Variants in DKK3 observed in about 807,000 individuals in gnomAD.
The protein encoded by DKK3 is dickkopf Wnt signaling pathway inhibitor 3, also known as dickkopf-related protein 3.
DKK3 carries 22 observed loss-of-function variants against 33.2 expected under a neutral mutation model. The ratio of observed to expected loss-of-function variants is 0.66; its 90% CI spans 0.47 to 0.95. The LOEUF is 0.95. Ranked by LOEUF, DKK3 falls within the 40% of genes least tolerant of loss-of-function variation. DKK3 has a pLI of 0.00. For synonymous variants in DKK3, 194 were observed against 188.8 expected (o/e 1.03, Z -0.23); for missense variants, 398 against 458.4 (o/e 0.87, Z 1.20).
rs554952527 is a variant in DKK3, at chr11:11,966,356, G to C, written c.674-391C>G. 2.6e-5 allele frequency among the ~76,000 whole-genome samples: 4 copies of C among 152,262 alleles called. 1 individual carries two copies. The South Asian group carries it at 8.3e-4, about 32-fold the overall frequency. ...AAGAAGTAGTGGAGAGAAAAGGAGG[G>C]CAAGTAAGTTGGAGCTGCATGAGGC... On this transcript the variant is annotated intron_variant, in intron 5 of 6. Coordinates refer to ENST00000683431, the MANE Select transcript of DKK3 (RefSeq NM_001018057.2).
chr11:12,007,746 T>C (rs540140693), intron 1 of DKK3, among the ~76,000 whole-genome samples: 1 of 152,356 alleles, frequency 6.6e-6, no homozygotes, highest in South Asian at 2.1e-4. Flanking sequence ...GAGGAGGACC[T>C]GAGCCCAGGA....
chr11:11,966,330 CAAG>C (rs1262843544), intron 5 of DKK3, among the ~76,000 whole-genome samples: 1 of 152,086 alleles, frequency 6.6e-6, no homozygotes, highest in African/African-American at 2.4e-5. Flanking sequence ...CCAAATAGGC[CAAG>C]AAGTAGTGGA....
intron 3 of DKK3, among the ~76,000 whole-genome samples, chr11:11,984,491 T>C (rs781664093): frequency 3.3e-5 from 5 of 152,200 alleles, no homozygotes; most frequent in Admixed American, 6.5e-5. Context: ...CTCAATTTAA[T>C]TTAAAAGTAA....
chr11:11,993,999 C>T (rs1277208813), intron 3 of DKK3, among the ~76,000 whole-genome samples: 2 of 152,140 alleles, frequency 1.3e-5, no homozygotes, highest in African/African-American at 2.4e-5. Context: ...CGGTTAGGAA[C>T]AACAGCGGGA....
intron 5 of DKK3, among the ~76,000 whole-genome samples, 194 bp downstream of exon 5, chr11:11,966,760 G>T (rs7480000): frequency 2.0e-5 from 3 of 151,660 alleles, no homozygotes; most frequent in African/African-American, 4.9e-5. Context: ...AGCATCAACA[G>T]GGGAAAAAAA....
At chr11:11,978,432 T>TTCTTCCTCTTCCTCTTCC (rs1434873661) in intron 3 of DKK3, among the ~76,000 whole-genome samples, 3 of 152,050 alleles carry the variant, frequency 2.0e-5, no homozygotes, top group Non-Finnish European at 4.4e-5. Flanking sequence ...CTTCCTCTTC[T>TTCTTCCTCTTCCTCTTCC]TCTTCCTCTT....
intron 2 of DKK3, among the ~76,000 whole-genome samples, chr11:12,000,524 T>C (rs1479953558): frequency 1.3e-5 from 2 of 149,068 alleles, no homozygotes; most frequent in Non-Finnish European, 3.0e-5. Flanking sequence ...TTTTTCTTTT[T>C]TTTGACAGTC....
upstream of DKK3, chr11:12,008,752 GAA>G (rs1848599030): frequency 1.1e-5 from 13 of 1,192,946 alleles, no homozygotes; most frequent in Non-Finnish European, 1.1e-5. This position sits in a 1 kb window ranked among gnomAD's most constrained non-coding sequence, Gnocchi z 4.6. Flanking sequence ...CGAGGCCCCT[GAA>G]AACGCAGCTC....
At chr11:12,002,056 T>C (rs539770841) in intron 2 of DKK3, 2 of 378,564 alleles carry the variant, frequency 5.3e-6, no homozygotes, top group Non-Finnish European at 9.5e-6. Flanking sequence ...CCTTTGCAAC[T>C]GGACTGGCAG....
chr11:12,008,253 T>TTCCCAGGCCCTGCGCGGGACCCGAGG lies in DKK3; in HGVS notation c.213+91_213+116dup. The TTCCCAGGCCCTGCGCGGGACCCGAGG allele has an allele frequency of 7.4e-7, 1 of 1,355,562 alleles. No individual in the cohort carries two copies. The highest frequency in any genetic ancestry group is 1.5e-5 in the African/African-American group (1 of 68,076). 84.0% of individuals were successfully genotyped at this position (1,355,562 alleles called of 1,614,324 possible). A position where few individuals can be genotyped will look rare whatever the true frequency, so the allele number is the denominator to read the frequency against. On this transcript the variant is annotated intron_variant, in intron 1 of 6. Coordinates refer to ENST00000683431, the MANE Select transcript of DKK3 (RefSeq NM_001018057.2). The surrounding 1 kb of genome is among the most constrained non-coding windows in gnomAD (Gnocchi z 4.6). ...GTCACTCCGCATCTGCTGTCGGCCCTTCCCAGGCCCTGCGCGGGACCCGAG... is the reference window on the plus strand; with the variant it reads ...GTCACTCCGCATCTGCTGTCGGCCCTTCCCAGGCCCTGCGCGGGACCCGAGGTCCCAGGCCCTGCGCGGGACCCGAG...
At chr11:12,007,160 T>C (rs1590563337) in intron 1 of DKK3, among the ~76,000 whole-genome samples, 1 of 151,492 alleles carries the variant, frequency 6.6e-6, no homozygotes, top group African/African-American at 2.4e-5. Flanking sequence ...TGTTGTGGAG[T>C]GGGAGGGGAA....
intron 3 of DKK3, among the ~76,000 whole-genome samples, chr11:11,976,457 T>C (rs1847835969): frequency 6.6e-6 from 1 of 152,262 alleles, no homozygotes; most frequent in Admixed American, 6.5e-5. Flanking sequence ...AGAAGCCCCA[T>C]TTGACAGATG....
Position 11,965,819 on chromosome 11 carries a change from G to C in DKK3, c.820C>G (p.Gln274Glu), listed in dbSNP as rs1443636711. ...RCPCASGLLC[Q>E]PHSHSLVYVC... The stretch of plus-strand genomic sequence containing the variant: ...GTTAGGGGGCCTCACCTGTGGGGCT[G>C]GCAGAGGAGGCCACTGGCACAAGGG... The change falls in exon 6 of 7, where the codon CAG becomes GAG. Residue 274 changes from glutamine to glutamate, a missense_variant. Physicochemically the swap from Gln to Glu is conservative, Grantham distance 29. Transcript: ENST00000683431. 3.1e-6 allele frequency: 5 copies of C among 1,614,030 alleles called. No homozygotes were observed. In the Admixed American group the frequency reaches 6.7e-5, roughly 22 times the overall value.
At chr11:12,007,654 C>T (rs1416301795) in intron 1 of DKK3, among the ~76,000 whole-genome samples, 7 of 152,190 alleles carry the variant, frequency 4.6e-5, no homozygotes, top group African/African-American at 1.2e-4. Context: ...GGTGCCCACA[C>T]ATATGACATT....
chr11:12,000,139 C>T (rs918522985), intron 2 of DKK3, among the ~76,000 whole-genome samples: 2 of 152,162 alleles, frequency 1.3e-5, no homozygotes, highest in Non-Finnish European at 2.9e-5. Context: ...TTCACTACTA[C>T]TGAGCTTTTC....
chr11:11,979,286 G>A (rs1297707890), intron 3 of DKK3, among the ~76,000 whole-genome samples: 1 of 152,222 alleles, frequency 6.6e-6, no homozygotes, highest in Non-Finnish European at 1.5e-5. Context: ...TCTGCTCAGG[G>A]CCCACAGGCC....
intron 3 of DKK3, among the ~76,000 whole-genome samples, chr11:11,975,343 G>T (rs1847810775): frequency 6.6e-6 from 1 of 152,182 alleles, no homozygotes; most frequent in South Asian, 2.1e-4. Context: ...GAGCCACAGG[G>T]ACCAGAACAG....
intron 2 of DKK3, among the ~76,000 whole-genome samples, chr11:11,999,108 C>T (rs1848367555): frequency 6.6e-6 from 1 of 152,188 alleles, no homozygotes; most frequent in African/African-American, 2.4e-5. Flanking sequence ...TCTTGGGGCT[C>T]ATCACTTGAA....
chr11:11,968,749 T>G, intron 3 of DKK3: 1 of 366,760 alleles, frequency 2.7e-6, no homozygotes, highest in Non-Finnish European at 4.9e-6. Flanking sequence ...CTGTGCACAG[T>G]TCTCCCCCAC....
Sources: allele counts gnomAD v4.1 joint callset (sites outside exome capture counted in the v4.1 genomes callset), GRCh38; gene constraint gnomAD v4.1.1; non-coding constraint Gnocchi (gnomAD v3.1); transcripts MANE v1.5; gene names NCBI Gene and HGNC (gene_info 2026-07-23, HGNC 2026-07-21).